Variants in NFASC observed in about 807,000 individuals in gnomAD.
NFASC encodes the protein neurofascin.
Under a neutral mutation model 147.5 loss-of-function variants are expected in NFASC, and 43 were observed. That is an observed-to-expected ratio of 0.29 (90% confidence interval 0.23 to 0.38). The LOEUF is 0.38. Ranked by LOEUF, NFASC falls within the 10% of genes least tolerant of loss-of-function variation. The probability of loss-of-function intolerance (pLI) is 1.00; values close to 1 mark genes in which losing one functional copy is unlikely to be tolerated. For synonymous variants in NFASC, 622 were observed against 665.5 expected (o/e 0.93, Z 1.01); for missense variants, 1,320 against 1,689.0 (o/e 0.78, Z 3.83).
intron 24 of NFASC, among the ~76,000 whole-genome samples, chr1:204,994,366 C>T (rs1422709367): frequency 1.3e-5 from 2 of 152,232 alleles, no homozygotes. Flanking sequence ...CCAGCAGGGC[C>T]GGTGAGGAAA....
rs1185325582 is a variant in NFASC, at chr1:205,010,992, A to G, written c.3421+1304A>G. 1 of 152,046 alleles carries G rather than the reference A, an allele frequency of 6.6e-6. No homozygotes were observed. The highest frequency in any genetic ancestry group is 1.9e-4 in the East Asian group (1 of 5,178). 9.4% of individuals were successfully genotyped at this position (152,046 alleles called of 1,614,324 possible). A position where few individuals can be genotyped will look rare whatever the true frequency, so the allele number is the denominator to read the frequency against. ...CTCTGGCATTCTTGTTTCTGGAAAT[A>G]TTGACTGTTTTTTACACAGGAGCAA... On this transcript the variant is annotated intron_variant, in intron 28 of 29. Transcript: ENST00000339876. The surrounding 1 kb of genome is among the most constrained non-coding windows in gnomAD (Gnocchi z 4.1).
At chr1:204,970,074 C>CAAAAAAAAAAAAAAAAAAAAAAAA (rs11307141) in intron 10 of NFASC, among the ~76,000 whole-genome samples, 1 of 65,460 alleles carries the variant, frequency 1.5e-5, no homozygotes. Flanking sequence ...GACTCCATCT[C>CAAAAAAAAAAAAAAAAAAAAAAAA]AAAAAAAAAA....
rs73069107 is a variant in NFASC at position 204,966,807 on chromosome 1, C to G, written c.707-1442C>G. ...TGCTGTATGCCGTGTATTGTATCAT[C>G]AGCCTCGTTACCCTCTGCATATGTT... is the stretch of plus-strand genomic sequence containing the variant. On this transcript the variant is annotated intron_variant, in intron 8 of 29. Transcript: ENST00000339876. 9.7e-3 allele frequency among the ~76,000 whole-genome samples: 1,474 copies of G among 152,268 alleles called. 13 individuals are homozygous for G. The highest frequency in any genetic ancestry group is 0.034 in the African/African-American group (1,412 of 41,534).
At chr1:204,980,620 A>C (rs2095493519) in intron 20 of NFASC, among the ~76,000 whole-genome samples, 180 bp downstream of exon 20, 1 of 152,104 alleles carries the variant, frequency 6.6e-6, no homozygotes, top group South Asian at 2.1e-4. Context: ...CCAGAAACCA[A>C]ACAGGACAAA....
At chr1:204,847,720 G>C (rs1025083680) in intron 1 of NFASC, among the ~76,000 whole-genome samples, 2 of 152,148 alleles carry the variant, frequency 1.3e-5, no homozygotes, top group African/African-American at 4.8e-5. Flanking sequence ...AACCCAGTGG[G>C]TTAAAAGTGG....
At chr1:204,913,388 A>G (rs1222000370) in intron 1 of NFASC, among the ~76,000 whole-genome samples, 1 of 152,174 alleles carries the variant, frequency 6.6e-6, no homozygotes, top group African/African-American at 2.4e-5. Flanking sequence ...GTAAGCAGAA[A>G]AAATTTTTTA....
At chr1:204,929,714 G>T (rs867197132) in intron 2 of NFASC, among the ~76,000 whole-genome samples, 1 of 152,140 alleles carries the variant, frequency 6.6e-6, no homozygotes, top group South Asian at 2.1e-4. Context: ...CTGGGGAGTC[G>T]CTCCCTGGGG....
chr1:204,979,593 GA>G lies in NFASC; in HGVS notation c.2176+36del. On this transcript the variant is annotated intron_variant, in intron 19 of 29. Transcript: ENST00000339876. This position sits in a 1 kb window ranked among gnomAD's most constrained non-coding sequence, Gnocchi z 6.0. ...CCGAGGGCTGCCAGAGAAGGCTCCGGAACCCCGCACCCCAAACTCACACTGA... is the reference window on the plus strand; with the variant it reads ...CCGAGGGCTGCCAGAGAAGGCTCCGGACCCCGCACCCCAAACTCACACTGA... 6.3e-7 allele frequency: 1 copy of G among 1,595,042 alleles called. No individual in the cohort carries two copies. Among genetic ancestry groups the G allele is most frequent in the Non-Finnish European group, 8.6e-7 (1 of 1,163,830 alleles).
chr1:204,886,509 A>G (rs561300112), intron 1 of NFASC, among the ~76,000 whole-genome samples: 6 of 152,160 alleles, frequency 3.9e-5, no homozygotes, highest in Admixed American at 3.3e-4. Flanking sequence ...TCTCAAACCT[A>G]TCTCAGCTTG....
chr1:204,915,295 A>G (rs2088915414), intron 1 of NFASC, among the ~76,000 whole-genome samples: 1 of 152,226 alleles, frequency 6.6e-6, no homozygotes, highest in African/African-American at 2.4e-5. Context: ...AAATAAAAAT[A>G]AAAATAATAA....
chr1:204,831,466 T>G (rs1264538583), intron 1 of NFASC, among the ~76,000 whole-genome samples: 1 of 151,594 alleles, frequency 6.6e-6, no homozygotes, highest in Non-Finnish European at 1.5e-5. Flanking sequence ...AGGGTCTGAT[T>G]TCTGTGGTGA....
At chr1:204,999,691 G>T (rs2095930936) in intron 25 of NFASC, 1 of 152,096 alleles carries the variant, frequency 6.6e-6, no homozygotes, top group African/African-American at 2.4e-5. Context: ...ATTCACCTGG[G>T]GCAACCAACG....
In NFASC at chr1:204,941,614, A is replaced by G. The variant is rs368299919; in HGVS notation, c.-90-2612A>G. ...CAGGTTCCCTCAGCACTAAGGGTTC[A>G]GTTGCCTGATCTGAGTCTGGTCTTT... On this transcript the variant is annotated intron_variant, in intron 2 of 29. Transcript: ENST00000339876. 6.6e-5 allele frequency among the ~76,000 whole-genome samples: 10 copies of G among 152,298 alleles called. No individual in the cohort carries two copies. In the East Asian group the frequency reaches 1.9e-3, roughly 29 times the overall value.
rs2096384375 is a variant in NFASC at position 205,019,332 on chromosome 1, C to T, written c.*2793C>T. ...TACCAACAGTGAAGCCAGGACAGCACCATGCCATCGGCGCTCCAGTCTGTC... is the reference window on the plus strand; with the variant it reads ...TACCAACAGTGAAGCCAGGACAGCATCATGCCATCGGCGCTCCAGTCTGTC... On this transcript the variant is annotated 3_prime_UTR_variant, in exon 30 of 30. Transcript: ENST00000339876. The T allele has an allele frequency of 6.6e-6, 1 of 152,242 alleles. No homozygotes were observed. The highest frequency in any genetic ancestry group is 2.4e-5 in the African/African-American group (1 of 41,438). 9.4% of individuals were successfully genotyped at this position (152,242 alleles called of 1,614,324 possible).
chr1:204,870,325 A>G (rs748878442), intron 1 of NFASC, among the ~76,000 whole-genome samples: 6 of 152,192 alleles, frequency 3.9e-5, no homozygotes, highest in Non-Finnish European at 7.4e-5. Context: ...GCGGAGAGCC[A>G]TTGTTCTGTG....
rs1405260754 is a variant in NFASC, at chr1:204,979,710, T to C, written c.2176+151T>C. ...TGAGGCAGAGAGTAATAATAACACC[T>C]ACATCACAGAGCTGTTGTGAACATT... On this transcript the variant is annotated intron_variant, in intron 19 of 29. Transcript: ENST00000339876. The surrounding 1 kb of genome is among the most constrained non-coding windows in gnomAD (Gnocchi z 6.0). 11 of 707,130 alleles carry C rather than the reference T, an allele frequency of 1.6e-5. No homozygotes were observed. The South Asian group carries it at 1.8e-4, about 12-fold the overall frequency. The allele number at this position is 707,130 out of a possible 1,614,324, so 43.8% of individuals were successfully genotyped here.
rs1461976588 is a variant in NFASC at position 204,946,755 on chromosome 1, G to A, written c.91+2349G>A. Reference sequence around the variant, plus strand: ...AGTACCTGGCCTTCCTCTGCAAGTGGATGAACACCAACCCTTCCCGAGGCC... The same window carrying A: ...AGTACCTGGCCTTCCTCTGCAAGTGAATGAACACCAACCCTTCCCGAGGCC... On this transcript the variant is annotated intron_variant, in intron 3 of 29. Transcript: ENST00000339876. The A allele has an allele frequency of 5.8e-6, 3 of 518,796 alleles. No individual in the cohort carries two copies. The Admixed American group carries it at 5.8e-5, about 10-fold the overall frequency. 32.1% of individuals were successfully genotyped at this position (518,796 alleles called of 1,614,324 possible).
intron 7 of NFASC, among the ~76,000 whole-genome samples, chr1:204,955,659 GC>G (rs138553350): frequency 0.027 from 4,120 of 152,160 alleles, 124 homozygotes; most frequent in African/African-American, 0.075. Context: ...AAAAGCAGAA[GC>G]ATTAATAGAG....
intron 1 of NFASC, among the ~76,000 whole-genome samples, chr1:204,910,824 AT>A (rs11420522): frequency 6.6e-6 from 1 of 150,936 alleles, no homozygotes; most frequent in Non-Finnish European, 1.5e-5. Flanking sequence ...GTTCCAAGAG[AT>A]TTTTTTTTAA....
Sources: gnomAD v4.1 joint callset for allele counts (sites outside exome capture counted in the v4.1 genomes callset) on GRCh38, gnomAD v4.1.1 for gene constraint, Gnocchi (gnomAD v3.1) non-coding constraint, MANE v1.5 for transcripts, NCBI Gene and HGNC (gene_info 2026-07-23, HGNC 2026-07-21) for gene names.